CDH13: variants seen among roughly 807,000 people sequenced by gnomAD.
The protein encoded by CDH13 is cadherin 13.
Under a neutral mutation model 63.8 loss-of-function variants are expected in CDH13, and 24 were observed. That is an observed-to-expected ratio of 0.38 (90% confidence interval 0.27 to 0.53). The LOEUF is 0.53. Ranked by LOEUF, CDH13 falls within the 20% of genes least tolerant of loss-of-function variation. The probability of loss-of-function intolerance (pLI) is 0.85; values close to 1 mark genes in which losing one functional copy is unlikely to be tolerated. For synonymous variants in CDH13, 503 were observed against 355.3 expected, an observed-to-expected ratio of 1.42 and a Z score of -4.67; for missense variants, 1,049 against 903.1, an observed-to-expected ratio of 1.16 and a Z score of -2.07.
At chr16:83,694,113 G>T (rs927345140) in intron 10 of CDH13, among the ~76,000 whole-genome samples, 1 of 152,164 alleles carries the variant, frequency 6.6e-6, no homozygotes, top group Non-Finnish European at 1.5e-5. Context: ...ATCACAGAAT[G>T]GATAGAAAAC....
At chr16:82,693,673 T>A (rs922310551) in intron 1 of CDH13, among the ~76,000 whole-genome samples, 14 of 152,382 alleles carry the variant, frequency 9.2e-5, no homozygotes, top group South Asian at 2.1e-4. Flanking sequence ...TGAGCACTGC[T>A]GTGCACCCTG....
chr16:83,204,222 A>G (rs746196854), intron 4 of CDH13, among the ~76,000 whole-genome samples: 1 of 152,198 alleles, frequency 6.6e-6, no homozygotes. Flanking sequence ...TGTTGCCCCT[A>G]TGAAGTATGG....
intron 7 of CDH13, among the ~76,000 whole-genome samples, chr16:83,561,648 A>G (rs1463673467): frequency 2.0e-5 from 3 of 152,232 alleles, no homozygotes; most frequent in African/African-American, 7.2e-5. Context: ...CTTAAGCAGA[A>G]TTTCCTTCAT....
intron 5 of CDH13, among the ~76,000 whole-genome samples, chr16:83,236,366 ATTTGCAGGCCAGAAACCT>A (rs1441932434): frequency 6.6e-6 from 1 of 152,156 alleles, no homozygotes; most frequent in Non-Finnish European, 1.5e-5. Flanking sequence ...TATTTTGAAG[ATTTGCAGGCCAGAAACCT>A]GTTTAAGCCA....
intron 5 of CDH13, among the ~76,000 whole-genome samples, chr16:83,299,084 C>T (rs1448519943): frequency 1.3e-5 from 2 of 152,110 alleles, no homozygotes; most frequent in African/African-American, 2.4e-5. Context: ...TTAGTATGTA[C>T]ATATGCATAT....
intron 3 of CDH13, among the ~76,000 whole-genome samples, chr16:83,121,243 A>AT (rs1356839755): frequency 6.6e-6 from 1 of 152,034 alleles, no homozygotes; most frequent in African/African-American, 2.4e-5. Flanking sequence ...TTTCATTGAG[A>AT]TTTTAATATT....
intron 6 of CDH13, among the ~76,000 whole-genome samples, chr16:83,351,033 T>G (rs1215024079): frequency 3.3e-5 from 5 of 152,204 alleles, no homozygotes; most frequent in African/African-American, 1.2e-4. Flanking sequence ...ATGGCTGGGA[T>G]AGTTGATAGT....
chr16:83,067,476 T>C (rs114661304), intron 3 of CDH13, among the ~76,000 whole-genome samples: 1 of 152,176 alleles, frequency 6.6e-6, no homozygotes, highest in Middle Eastern at 3.2e-3. Flanking sequence ...GTTTGAGACA[T>C]GATTGTGCTC....
At chr16:82,900,026 A>G (rs2041409998) in intron 2 of CDH13, among the ~76,000 whole-genome samples, 1 of 152,158 alleles carries the variant, frequency 6.6e-6, no homozygotes. Context: ...CCCCTGCCCC[A>G]TCTTGATTGC....
At chr16:83,619,959 C>G (rs1909654062) in intron 8 of CDH13, among the ~76,000 whole-genome samples, 1 of 152,016 alleles carries the variant, frequency 6.6e-6, no homozygotes, top group African/African-American at 2.4e-5. Context: ...TGAAAGCCAC[C>G]CAGGGTGACC....
chr16:83,649,726 C>G (rs1464920670), intron 8 of CDH13, among the ~76,000 whole-genome samples: 2 of 152,076 alleles, frequency 1.3e-5, no homozygotes, highest in Admixed American at 6.6e-5. Context: ...ATGCTGAACA[C>G]GGAGGGCACC....
chr16:83,662,148 G>A (rs566350353), intron 8 of CDH13, among the ~76,000 whole-genome samples: 2 of 152,260 alleles, frequency 1.3e-5, no homozygotes, highest in East Asian at 3.9e-4. Flanking sequence ...CACTCAGGAC[G>A]TTTCTTTCTT....
At chr16:83,737,400 T>G (rs1419996707) in intron 10 of CDH13, among the ~76,000 whole-genome samples, 1 of 152,238 alleles carries the variant, frequency 6.6e-6, no homozygotes, top group African/African-American at 2.4e-5. Flanking sequence ...GATGAAGATA[T>G]TAAATTCACA....
At chr16:83,749,664 G>C (rs888302593) in intron 11 of CDH13, among the ~76,000 whole-genome samples, 3 of 152,190 alleles carry the variant, frequency 2.0e-5, no homozygotes, top group African/African-American at 7.2e-5. Flanking sequence ...GCAACTGAGA[G>C]CTGGACCAGA....
At chr16:83,000,151 A>T (rs1010885262) in intron 2 of CDH13, among the ~76,000 whole-genome samples, 5 of 145,452 alleles carry the variant, frequency 3.4e-5, no homozygotes, top group African/African-American at 1.3e-4. Context: ...AGTAAATGTC[A>T]GTCATTTTTA....
intron 6 of CDH13, among the ~76,000 whole-genome samples, chr16:83,403,381 T>G (rs1225722215): frequency 6.6e-6 from 1 of 152,064 alleles, no homozygotes; most frequent in Non-Finnish European, 1.5e-5. Context: ...TTTAGCACTT[T>G]GGGAGGCCGA....
At chr16:82,955,893 G>T (rs183411376) in intron 2 of CDH13, among the ~76,000 whole-genome samples, 1 of 152,170 alleles carries the variant, frequency 6.6e-6, no homozygotes, top group Non-Finnish European at 1.5e-5. Flanking sequence ...AATGCCTTAG[G>T]TGTTTCCTCT....
At chr16:83,279,305 G>A (rs2089089678) in intron 5 of CDH13, among the ~76,000 whole-genome samples, 1 of 152,106 alleles carries the variant, frequency 6.6e-6, no homozygotes, top group African/African-American at 2.4e-5. Context: ...CCGAGGATTT[G>A]TTAGTAGAGA....
At chr16:83,319,671 A>G (rs2090179116) in intron 5 of CDH13, among the ~76,000 whole-genome samples, 1 of 152,238 alleles carries the variant, frequency 6.6e-6, no homozygotes, top group Non-Finnish European at 1.5e-5. Context: ...TTCATAAAAC[A>G]TCATGTCATC....
Sources: gnomAD v4.1 joint callset for allele counts (sites outside exome capture counted in the v4.1 genomes callset) on GRCh38, gnomAD v4.1.1 for gene constraint, MANE v1.5 for transcripts, NCBI Gene and HGNC (gene_info 2026-07-23, HGNC 2026-07-21) for gene names.